The following LRRC37A2 variants were observed in gnomAD, a reference collection of about 807,000 sequenced individuals.
LRRC37A2 encodes the protein leucine rich repeat containing 37 member A2.
LRRC37A2 carries 9 observed loss-of-function variants against 68.8 expected under a neutral mutation model. The ratio of observed to expected loss-of-function variants is 0.13; its 90% CI spans 0.08 to 0.23. LRRC37A2 has a LOEUF of 0.23. Among genes scored for constraint, LRRC37A2 ranks in the 10% least tolerant of loss-of-function variants. The pLI is 1.00. For synonymous variants in LRRC37A2, 63 were observed against 367.6 expected (o/e 0.17, Z 9.48); for missense variants, 168 against 950.4 (o/e 0.18, Z 10.82).
the LRRC37A2 span, chr17:46,872,445 GCC>G: frequency 1.4e-6 from 2 of 1,427,348 alleles, no homozygotes; most frequent in African/African-American, 2.9e-5. Flanking sequence ...CCCTGAGGAG[GCC>G]CCTTCCCTTC....
chr17:46,803,562 A>G, the LRRC37A2 span, among the ~76,000 whole-genome samples: 1 of 152,150 alleles, frequency 6.6e-6, no homozygotes, highest in Non-Finnish European at 1.5e-5. Flanking sequence ...CAATCATTCT[A>G]TCCTCCTATC....
the LRRC37A2 span, among the ~76,000 whole-genome samples, chr17:46,490,073 C>G: frequency 6.6e-6 from 1 of 150,824 alleles, no homozygotes; most frequent in Admixed American, 6.6e-5. Flanking sequence ...TTGTGTGGAC[C>G]TCAGTTTACT....
At chr17:46,842,882 CA>C in the LRRC37A2 span, among the ~76,000 whole-genome samples, 2 of 152,176 alleles carry the variant, frequency 1.3e-5, no homozygotes, top group African/African-American at 4.8e-5. Flanking sequence ...CATTTCTCAC[CA>C]CTGTTCTGTG....
At chr17:46,885,686 A>G in the LRRC37A2 span, 2 of 152,318 alleles carry the variant, frequency 1.3e-5, no homozygotes, top group East Asian at 3.9e-4. Flanking sequence ...TGAATGAACA[A>G]ATGAATTTAT....
At chr17:46,811,608 C>A in the LRRC37A2 span, among the ~76,000 whole-genome samples, 1 of 152,260 alleles carries the variant, frequency 6.6e-6, no homozygotes, top group East Asian at 1.9e-4. Context: ...CCCTCCCAGG[C>A]AGCAGCAGGA....
the LRRC37A2 span, among the ~76,000 whole-genome samples, chr17:47,048,334 A>T: frequency 6.6e-6 from 1 of 151,834 alleles, no homozygotes; most frequent in South Asian, 2.1e-4. Context: ...ACCTTCATGC[A>T]GTCAGAAGCT....
chr17:47,036,385 C>A, the LRRC37A2 span, among the ~76,000 whole-genome samples: 1 of 151,960 alleles, frequency 6.6e-6, no homozygotes, highest in African/African-American at 2.4e-5. Context: ...GAAAAAAAAT[C>A]CAGTTTGGAG....
the LRRC37A2 span, among the ~76,000 whole-genome samples, chr17:47,043,454 G>A: frequency 2.1e-4 from 31 of 150,374 alleles, no homozygotes; most frequent in Middle Eastern, 3.4e-3. Flanking sequence ...AGCCAAGATT[G>A]CGCCACTGCA....
At chr17:46,898,742 A>G in the LRRC37A2 span, among the ~76,000 whole-genome samples, 5 of 152,240 alleles carry the variant, frequency 3.3e-5, no homozygotes, top group Non-Finnish European at 7.3e-5. Flanking sequence ...ATATTTCAAC[A>G]GTAATAATAA....
the LRRC37A2 span, among the ~76,000 whole-genome samples, chr17:47,011,153 C>T: frequency 6.6e-6 from 1 of 152,182 alleles, no homozygotes. Flanking sequence ...GATGGAAGAA[C>T]TCAGCCCTCT....
At chr17:46,912,556 C>T in the LRRC37A2 span, among the ~76,000 whole-genome samples, 3 of 152,316 alleles carry the variant, frequency 2.0e-5, no homozygotes, top group African/African-American at 7.2e-5. Flanking sequence ...CTAGGGAGGA[C>T]AACTTCCTTG....
intron 8 of LRRC37A2, among the ~76,000 whole-genome samples, chr17:46,542,086 ACTGCACT>A (rs1012027135): frequency 1.4e-5 from 2 of 139,858 alleles, no homozygotes; most frequent in African/African-American, 5.9e-5. Flanking sequence ...AGATTGCACC[ACTGCACT>A]CTAACCTGGG....
chr17:46,620,965 T>TG, the LRRC37A2 span, among the ~76,000 whole-genome samples: 2 of 70,680 alleles, frequency 2.8e-5, no homozygotes, highest in African/African-American at 1.4e-4. Context: ...CTGGCCAACA[T>TG]GGTGAAACCC....
the LRRC37A2 span, among the ~76,000 whole-genome samples, chr17:46,735,673 A>G: frequency 1.3e-5 from 2 of 152,126 alleles, no homozygotes; most frequent in African/African-American, 2.4e-5. Context: ...GTCCAGGCGC[A>G]GTGGCTCATG....
chr17:46,532,703 A>C (rs1191855073), intron 6 of LRRC37A2, among the ~76,000 whole-genome samples: 2 of 145,678 alleles, frequency 1.4e-5, no homozygotes, highest in Admixed American at 1.3e-4. Context: ...AATTATTAGC[A>C]TATATTGTTT....
chr17:46,722,952 A>T, the LRRC37A2 span, among the ~76,000 whole-genome samples: 6 of 152,200 alleles, frequency 3.9e-5, no homozygotes, highest in Non-Finnish European at 8.8e-5. Context: ...CCGACTGCAA[A>T]AAACAAGAAC....
the LRRC37A2 span, chr17:47,018,251 T>C: frequency 6.2e-7 from 1 of 1,611,496 alleles, no homozygotes; most frequent in Non-Finnish European, 8.5e-7. Flanking sequence ...CTATGGAGCA[T>C]GAACTTTCCA....
chr17:46,980,764 T>C, the LRRC37A2 span, among the ~76,000 whole-genome samples: 4 of 143,714 alleles, frequency 2.8e-5, no homozygotes, highest in East Asian at 2.1e-4. Context: ...ACCCGGGAGG[T>C]GAAGCTTGCA....
intron 12 of LRRC37A2, chr17:46,554,115 C>A (rs552200951): frequency 1.2e-6 from 1 of 845,430 alleles, no homozygotes; most frequent in Non-Finnish European, 1.4e-6. Flanking sequence ...TTTTTGGGCC[C>A]CTACTCTATT....
Sources: gnomAD v4.1 joint callset for allele counts (sites outside exome capture counted in the v4.1 genomes callset) on GRCh38, gnomAD v4.1.1 for gene constraint, MANE v1.5 for transcripts, NCBI Gene and HGNC (gene_info 2026-07-23, HGNC 2026-07-21) for gene names.